Variants in HOTAIR observed in about 807,000 individuals in gnomAD.
HOTAIR encodes HOX transcript antisense RNA (non-protein coding).
intron 1 of HOTAIR, among the ~76,000 whole-genome samples, chr12:53,972,581 A>T (rs564346973): frequency 1.3e-5 from 2 of 152,348 alleles, no homozygotes; most frequent in African/African-American, 2.4e-5. Context: ...TAAGGACTCC[A>T]GAAAGGTAGT....
chr12:53,973,237 GAACGATGTTT>G lies in HOTAIR; in HGVS notation n.59+1651_59+1660del. On this transcript the variant is annotated intron_variant and non_coding_transcript_variant, in intron 1 of 6. Coordinates refer to ENST00000424518, the Ensembl canonical transcript of HOTAIR. The surrounding 1 kb of genome is among the most constrained non-coding windows in gnomAD (Gnocchi z 4.3). ...TCCATCCGGAGCCGGCAGGAGAGGA[GAACGATGTTT>G]AACTCGGTCAACCTGGGCAACTTCT... The G allele has an allele frequency of 1.3e-6, 2 of 1,570,866 alleles. No individual in the cohort carries two copies. Among genetic ancestry groups the G allele is most frequent in the Non-Finnish European group, 1.7e-6 (2 of 1,161,286 alleles).
At chr12:53,974,583 G>C (rs929596560) in intron 1 of HOTAIR, among the ~76,000 whole-genome samples, 10 of 152,138 alleles carry the variant, frequency 6.6e-5, no homozygotes, top group African/African-American at 2.4e-4. Flanking sequence ...TTCCAGGCGG[G>C]GGTCTGGGCG....
At chr12:53,974,826 A>C (rs1444937384) in intron 1 of HOTAIR, 4 of 205,858 alleles carry the variant, frequency 1.9e-5, no homozygotes, top group Non-Finnish European at 3.9e-5. Flanking sequence ...CCGAACCACT[A>C]GGAGGGCGGC....
intron 1 of HOTAIR, among the ~76,000 whole-genome samples, chr12:53,974,675 G>C (rs955879831): frequency 1.7e-4 from 26 of 151,544 alleles, no homozygotes; most frequent in Admixed American, 9.8e-4. Flanking sequence ...CGGGGCGCCA[G>C]GGCCCCGGAA....
At chr12:53,968,146 C>T (rs1424319916) in intron 2 of HOTAIR, 1 of 152,282 alleles carries the variant, frequency 6.6e-6, no homozygotes, top group Non-Finnish European at 1.5e-5. Context: ...TCACCCAACA[C>T]ACAAGTACAC....
At chr12:53,969,053 A>G (rs1939107687) in intron 1 of HOTAIR, 1 of 152,248 alleles carries the variant, frequency 6.6e-6, no homozygotes, top group Non-Finnish European at 1.5e-5. Flanking sequence ...AGCTAAAGCC[A>G]GAGAATCAGG....
At chr12:53,963,292 G>C (rs1938987013) in exon 7 of HOTAIR, 1 of 152,228 alleles carries the variant, frequency 6.6e-6, no homozygotes, top group Non-Finnish European at 1.5e-5. Flanking sequence ...TACACAAGTA[G>C]CAGGGAAAGG....
At chr12:53,962,667 AG>A (rs3839968) in exon 7 of HOTAIR, 42,345 of 151,552 alleles carry the variant, frequency 0.28, 6,231 homozygotes, top group Middle Eastern at 0.35. Flanking sequence ...AGCAGGAGGA[AG>A]TTCAGGCATT....
At chr12:53,964,931 GC>G (rs1939023927) in intron 5 of HOTAIR, among the ~76,000 whole-genome samples, 1 of 152,204 alleles carries the variant, frequency 6.6e-6, no homozygotes, top group African/African-American at 2.4e-5. Context: ...GCATAGACCT[GC>G]CTCCTCTAGT....
chr12:53,973,497 C>T lies in HOTAIR; in HGVS notation n.59+1401G>A. 1 of 1,614,118 alleles carries T rather than the reference C, an allele frequency of 6.2e-7. No homozygotes were observed. Among genetic ancestry groups the T allele is most frequent in the South Asian group, 1.1e-5 (1 of 91,078 alleles). On this transcript the variant is annotated intron_variant and non_coding_transcript_variant, in intron 1 of 6. Coordinates refer to ENST00000424518, the Ensembl canonical transcript of HOTAIR. This position sits in a 1 kb window ranked among gnomAD's most constrained non-coding sequence, Gnocchi z 4.3. ...GGAGCCATCCGGCAAGTGGCACCAT[C>T]GGAACAGCTACTCCTCCTGCTATGC...
intron 1 of HOTAIR, among the ~76,000 whole-genome samples, chr12:53,969,679 A>C (rs946294893): frequency 6.6e-6 from 1 of 152,244 alleles, no homozygotes; most frequent in Admixed American, 6.5e-5. Context: ...TTTCTAATGA[A>C]GTCTCCTTGC....
At position 53,973,717 on chromosome 12, in the gene HOTAIR, A is replaced by G; in HGVS notation, n.59+1181T>C. ...TTCGACCGTTTCTTCGACAACGCCT[A>G]CTGCGGTGGCGGCGACCCGCCCGCC... On this transcript the variant is annotated intron_variant and non_coding_transcript_variant, in intron 1 of 6. Transcript: ENST00000424518. The surrounding 1 kb of genome is among the most constrained non-coding windows in gnomAD (Gnocchi z 4.3). 6.2e-7 allele frequency: 1 copy of G among 1,613,118 alleles called. No homozygotes were observed. Among genetic ancestry groups the G allele is most frequent in the Non-Finnish European group, 8.5e-7 (1 of 1,179,910 alleles).
At chr12:53,974,839 A>T in intron 1 of HOTAIR, 2 of 232,232 alleles carry the variant, frequency 8.6e-6, no homozygotes, top group Non-Finnish European at 1.7e-5. Context: ...AGGGCGGCCC[A>T]GGAAGGGCCC....
At position 53,973,745 on chromosome 12, in the gene HOTAIR, G is replaced by C; in HGVS notation, n.59+1153C>G. On this transcript the variant is annotated intron_variant and non_coding_transcript_variant, in intron 1 of 6. Coordinates refer to ENST00000424518, the Ensembl canonical transcript of HOTAIR. The surrounding 1 kb of genome is among the most constrained non-coding windows in gnomAD (Gnocchi z 4.3). ...GCGGTGGCGGCGACCCGCCCGCCGA[G>C]CCCCCCTGCTCCGGCAAGGGCGAGG... 1 of 1,612,766 alleles carries C rather than the reference G, an allele frequency of 6.2e-7. No individual in the cohort carries two copies. The highest frequency in any genetic ancestry group is 8.5e-7 in the Non-Finnish European group (1 of 1,179,770).
intron 1 of HOTAIR, chr12:53,974,891 C>G (rs115512483): frequency 2.8e-6 from 1 of 351,362 alleles, no homozygotes; most frequent in Non-Finnish European, 5.1e-6. Flanking sequence ...AGGGGACGCA[C>G]GTGTACCTGG....
At chr12:53,965,061 G>C (rs949212527) in intron 5 of HOTAIR, among the ~76,000 whole-genome samples, 1 of 152,208 alleles carries the variant, frequency 6.6e-6, no homozygotes, top group Non-Finnish European at 1.5e-5. Flanking sequence ...GAGCCTGGGA[G>C]GCAGCAATAG....
chr12:53,964,236 G>C (rs1420365901), exon 6 of HOTAIR: 2 of 149,262 alleles, frequency 1.3e-5, no homozygotes, highest in Non-Finnish European at 3.0e-5. Context: ...CAAACCTTGG[G>C]TGTAATTGCT....
intron 1 of HOTAIR, among the ~76,000 whole-genome samples, chr12:53,969,911 G>A (rs1475295105): frequency 6.6e-6 from 1 of 152,238 alleles, no homozygotes; most frequent in Non-Finnish European, 1.5e-5. Flanking sequence ...GGAGGAGGTA[G>A]ACAAGCTAAC....
At chr12:53,969,658 G>T (rs990153339) in intron 1 of HOTAIR, among the ~76,000 whole-genome samples, 2 of 152,248 alleles carry the variant, frequency 1.3e-5, no homozygotes, top group African/African-American at 4.8e-5. Context: ...AGGCAAGAAG[G>T]TGAAAGCCAA....
Sources: allele counts gnomAD v4.1 joint callset (sites outside exome capture counted in the v4.1 genomes callset), GRCh38; gene constraint gnomAD v4.1.1; non-coding constraint Gnocchi (gnomAD v3.1); transcripts MANE v1.5; gene names NCBI Gene and HGNC (gene_info 2026-07-23, HGNC 2026-07-21).